RBFOX1: variants seen among roughly 807,000 people sequenced by gnomAD.
The protein encoded by RBFOX1 is RNA binding fox-1 homolog 1, also known as RNA binding protein fox-1 homolog 1.
A neutral mutation model predicts 57.7 loss-of-function variants in RBFOX1; 8 were observed. The observed-to-expected ratio is 0.14, with a 90% CI of 0.08 to 0.25. The LOEUF is 0.25. Among genes scored for constraint, RBFOX1 ranks in the 10% least tolerant of loss-of-function variants. The pLI is 1.00. For synonymous variants in RBFOX1, 326 were observed against 222.4 expected, an observed-to-expected ratio of 1.47 and a Z score of -4.15; for missense variants, 611 against 548.5, an observed-to-expected ratio of 1.11 and a Z score of -1.14.
At position 5,609,610 on chromosome 16, in the gene RBFOX1, C is replaced by T. The variant is rs1018104523; in HGVS notation, c.318+10649C>T. ...ACTCCAGGCCAGAGCCTGGCCAAAC[C>T]AAATGGGACCCTGTGACCTGCATCC... On this transcript the variant is annotated intron_variant, in intron 3 of 19. Coordinates refer to the RBFOX1 transcript ENST00000641259. 6.7e-4 allele frequency among the ~76,000 whole-genome samples: 102 copies of T among 152,168 alleles called. 1 individual carries two copies. Among genetic ancestry groups the T allele is most frequent in the Non-Finnish European group, 1.2e-3 (85 of 68,042 alleles).
intron 2 of RBFOX1, among the ~76,000 whole-genome samples, chr16:6,534,930 C>G (rs1202737431): frequency 6.6e-6 from 1 of 152,160 alleles, no homozygotes; most frequent in African/African-American, 2.4e-5. Context: ...TGTGCGCATT[C>G]AACATACAGA....
intron 1 of RBFOX1, among the ~76,000 whole-genome samples, chr16:6,101,180 G>C (rs1343724804): frequency 6.6e-6 from 1 of 152,148 alleles, no homozygotes; most frequent in Non-Finnish European, 1.5e-5. Context: ...TGGTATTTAT[G>C]AGAACATCTA....
intron 14 of RBFOX1, among the ~76,000 whole-genome samples, chr16:7,691,734 G>C (rs757288914): frequency 2.7e-5 from 4 of 150,484 alleles, no homozygotes; most frequent in Non-Finnish European, 4.4e-5. Flanking sequence ...CAGTTCCTTA[G>C]GGAAAATTGC....
chr16:7,583,574 T>A (rs1602478676), intron 6 of RBFOX1, among the ~76,000 whole-genome samples: 1 of 152,246 alleles, frequency 6.6e-6, no homozygotes, highest in Non-Finnish European at 1.5e-5. Context: ...GATGGATGGA[T>A]GTTCTGGATG....
At chr16:5,831,010 A>C (rs2056248880) in intron 3 of RBFOX1, among the ~76,000 whole-genome samples, 1 of 152,198 alleles carries the variant, frequency 6.6e-6, no homozygotes, top group East Asian at 1.9e-4. Flanking sequence ...GTTGTCATGT[A>C]AATTAACCTT....
At chr16:7,276,918 G>A (rs2095451063) in intron 4 of RBFOX1, among the ~76,000 whole-genome samples, 1 of 152,196 alleles carries the variant, frequency 6.6e-6, no homozygotes, top group Non-Finnish European at 1.5e-5. Flanking sequence ...TAAACAGTTT[G>A]ATGCGTCCCA....
At chr16:5,785,762 G>A (rs2054478632) in intron 3 of RBFOX1, among the ~76,000 whole-genome samples, 3 of 152,158 alleles carry the variant, frequency 2.0e-5, no homozygotes, top group African/African-American at 7.2e-5. Context: ...CCCGACCTCA[G>A]GTGATCCACA....
intron 3 of RBFOX1, among the ~76,000 whole-genome samples, chr16:5,823,175 A>G (rs564868914): frequency 1.3e-5 from 2 of 152,314 alleles, no homozygotes; most frequent in South Asian, 4.1e-4. Context: ...GGGCACATAG[A>G]GGGCAGTCGG....
intron 4 of RBFOX1, among the ~76,000 whole-genome samples, chr16:5,977,360 A>G (rs750741708): frequency 1.3e-5 from 2 of 151,796 alleles, no homozygotes; most frequent in Non-Finnish European, 2.9e-5. Context: ...CTCTCCAGAG[A>G]CCGCTCCCTG....
intron 1 of RBFOX1, among the ~76,000 whole-genome samples, chr16:6,084,137 C>G (rs993534602): frequency 6.6e-6 from 1 of 152,198 alleles, no homozygotes; most frequent in Admixed American, 6.5e-5. Flanking sequence ...ATACCTCCCT[C>G]TTAGGGCACT....
At chr16:6,866,539 C>CTCTTTTTTT (rs1161474639) in intron 3 of RBFOX1, among the ~76,000 whole-genome samples, 2 of 49,090 alleles carry the variant, frequency 4.1e-5, no homozygotes, top group Non-Finnish European at 7.3e-5. Flanking sequence ...TTCTTTCCTT[C>CTCTTTTTTT]TATTTTTTTT....
intron 3 of RBFOX1, among the ~76,000 whole-genome samples, chr16:6,870,549 A>G (rs1037351447): frequency 6.6e-6 from 1 of 152,212 alleles, no homozygotes; most frequent in East Asian, 1.9e-4. Context: ...ATCACCTTGT[A>G]TAACTTTTGC....
chr16:7,526,335 G>A (rs1382190816), intron 5 of RBFOX1, among the ~76,000 whole-genome samples: 4 of 152,110 alleles, frequency 2.6e-5, no homozygotes, highest in Admixed American at 6.5e-5. Context: ...GTTTCTTCGT[G>A]GCTGCCCTCT....
intron 3 of RBFOX1, among the ~76,000 whole-genome samples, chr16:5,813,089 C>A (rs1359694936): frequency 6.6e-6 from 1 of 151,046 alleles, no homozygotes; most frequent in African/African-American, 2.4e-5. Context: ...CTCACTGCAA[C>A]CTCCACCTCA....
At chr16:6,643,714 G>A (rs1234732509) in intron 2 of RBFOX1, among the ~76,000 whole-genome samples, 1 of 152,064 alleles carries the variant, frequency 6.6e-6, no homozygotes, top group African/African-American at 2.4e-5. Flanking sequence ...GGAGTGGTAG[G>A]AAGCCAATTC....
At chr16:7,535,148 A>C (rs2081178726) in intron 5 of RBFOX1, among the ~76,000 whole-genome samples, 1 of 152,204 alleles carries the variant, frequency 6.6e-6, no homozygotes, top group Admixed American at 6.5e-5. Flanking sequence ...AAATCTCCTT[A>C]AATGTGATAT....
At chr16:7,552,454 A>G (rs572605764) in intron 5 of RBFOX1, among the ~76,000 whole-genome samples, 1 of 152,300 alleles carries the variant, frequency 6.6e-6, no homozygotes, top group South Asian at 2.1e-4. Context: ...GGGTGTCTTC[A>G]GAGAAGTTGC....
chr16:6,843,644 G>A (rs571797328), intron 3 of RBFOX1, among the ~76,000 whole-genome samples: 4 of 152,234 alleles, frequency 2.6e-5, no homozygotes, highest in South Asian at 2.1e-4. Flanking sequence ...AGCCGACATC[G>A]CGCCACCGCA....
Position 6,102,135 on chromosome 16 carries a change from C to G in RBFOX1, c.-127+82143C>G, listed in dbSNP as rs150865250. On this transcript the variant is annotated intron_variant, in intron 1 of 15. Coordinates refer to ENST00000550418, the MANE Select transcript of RBFOX1 (RefSeq NM_018723.4). Reference sequence around the variant, plus strand: ...GTATTCTGAACAGCAGTATGAGTTTCGGCCTGAAGGAATTTATTAGGGTAA... The same window carrying G: ...GTATTCTGAACAGCAGTATGAGTTTGGGCCTGAAGGAATTTATTAGGGTAA... Among the ~76,000 whole-genome samples the G allele has an allele frequency of 1.6e-3, 240 of 147,150 alleles. 2 individuals are homozygous for G. Among genetic ancestry groups the G allele is most frequent in the African/African-American group, 5.9e-3 (236 of 39,742 alleles).
Sources: gnomAD v4.1 joint callset for allele counts (sites outside exome capture counted in the v4.1 genomes callset) on GRCh38, gnomAD v4.1.1 for gene constraint, MANE v1.5 for transcripts, NCBI Gene and HGNC (gene_info 2026-07-23, HGNC 2026-07-21) for gene names.